The following FLVCR1 variants were observed in gnomAD, a reference collection of about 807,000 sequenced individuals.
FLVCR1 encodes choline/ethanolamine transporter FLVCR1.
Under a neutral mutation model 53.6 loss-of-function variants are expected in FLVCR1, and 34 were observed. The ratio of observed to expected loss-of-function variants is 0.63; its 90% CI spans 0.48 to 0.84. FLVCR1 has a LOEUF of 0.84. Ranked by LOEUF, FLVCR1 falls within the 40% of genes least tolerant of loss-of-function variation. The pLI, the probability that FLVCR1 is intolerant of heterozygous loss-of-function variation, is 0.00. For synonymous variants in FLVCR1, 300 were observed against 286.3 expected, an observed-to-expected ratio of 1.05 and a Z score of -0.48; for missense variants, 677 against 696.7, an observed-to-expected ratio of 0.97 and a Z score of 0.32.
At chr1:212,868,939 A>G (rs1664523511) in intron 2 of FLVCR1, among the ~76,000 whole-genome samples, 1 of 152,234 alleles carries the variant, frequency 6.6e-6, no homozygotes, top group African/African-American at 2.4e-5. Flanking sequence ...GGTGAGAGAC[A>G]GGAGTTTACT....
intron 3 of FLVCR1, among the ~76,000 whole-genome samples, chr1:212,878,191 A>G (rs1195297137): frequency 6.6e-6 from 1 of 152,138 alleles, no homozygotes. Context: ...ATGTTTAGTG[A>G]TCACCCATCT....
intron 8 of FLVCR1, among the ~76,000 whole-genome samples, chr1:212,893,295 T>TAA (rs1470174296): frequency 1.3e-5 from 2 of 152,164 alleles, no homozygotes; most frequent in Admixed American, 1.3e-4. Context: ...GACCTTGTGA[T>TAA]CTGCCTGCCT....
intron 4 of FLVCR1, 97 bp from the exon 5 acceptor site, chr1:212,885,196 A>C: frequency 1.1e-6 from 1 of 877,386 alleles, no homozygotes; most frequent in Non-Finnish European, 1.9e-6. Context: ...AGTTTTATCT[A>C]ATTATTTTCA....
chr1:212,870,745 C>T (rs1664570975), intron 2 of FLVCR1, among the ~76,000 whole-genome samples: 1 of 151,896 alleles, frequency 6.6e-6, no homozygotes, highest in South Asian at 2.1e-4. Flanking sequence ...ATCCATTTAC[C>T]TTCTTTTTTC....
rs1410188826 is a variant in FLVCR1, at chr1:212,896,974, A to C, written c.*1684A>C. On this transcript the variant is annotated 3_prime_UTR_variant, in exon 10 of 10. Transcript: ENST00000366971. ...GTGGATCACAAAGTCAGGAGTTCAA[A>C]ACCAGCCTGGCCAAGATGGTGAAAC... 1 of 151,272 alleles carries C rather than the reference A, an allele frequency of 6.6e-6. No homozygotes were observed. The highest frequency in any genetic ancestry group is 1.9e-4 in the East Asian group (1 of 5,170). 9.4% of individuals were successfully genotyped at this position (151,272 alleles called of 1,614,324 possible).
rs1037878422 is a variant in FLVCR1, at chr1:212,895,608, G to A, written c.*318G>A. The A allele has an allele frequency of 7.9e-5, 28 of 356,048 alleles. No homozygotes were observed. Among genetic ancestry groups the A allele is most frequent in the African/African-American group, 5.7e-4 (27 of 47,634 alleles). 22.1% of individuals were successfully genotyped at this position (356,048 alleles called of 1,614,324 possible). ...TTAAAAGTCGATGTTTTTCTTTTTT[G>A]TAGAAAATGGAAGCTTAGAATACTT... On this transcript the variant is annotated 3_prime_UTR_variant, in exon 10 of 10. Transcript: ENST00000366971.
chr1:212,865,887 C>T (rs1664401627), intron 2 of FLVCR1, among the ~76,000 whole-genome samples: 1 of 77,478 alleles, frequency 1.3e-5, no homozygotes, highest in Non-Finnish European at 3.5e-5. Context: ...GCTATCTGGA[C>T]TCACTGCAAT....
At position 212,894,043 on chromosome 1, in the gene FLVCR1, T is replaced by C. The variant is rs1665271210; in HGVS notation, c.1526-943T>C. ...CACCCGCCTCGGCCTCTCAAAGTGC[T>C]AGGATTACAGGCATGAGCCACTGAG... On this transcript the variant is annotated intron_variant, in intron 8 of 9. Coordinates refer to ENST00000366971, the MANE Select transcript of FLVCR1 (RefSeq NM_014053.4). 3.9e-5 allele frequency among the ~76,000 whole-genome samples: 6 copies of C among 151,986 alleles called. No individual in the cohort carries two copies. The South Asian group carries it at 1.2e-3, about 31-fold the overall frequency.
Position 212,858,371 on chromosome 1 carries a change from A to T in FLVCR1, c.-82A>T. 7.5e-7 allele frequency: 1 copy of T among 1,324,606 alleles called. No homozygotes were observed. The highest frequency in any genetic ancestry group is 9.9e-7 in the Non-Finnish European group (1 of 1,005,478). The allele number at this position is 1,324,606 out of a possible 1,614,324, so 82.1% of individuals were successfully genotyped here. ...GCCGAGGGGTTGGAGGTGGGGCCCC[A>T]GGAGGACCTCGGGCTGTGGGCCGGG... On this transcript the variant is annotated 5_prime_UTR_variant, in exon 1 of 10. Coordinates refer to ENST00000366971, the MANE Select transcript of FLVCR1 (RefSeq NM_014053.4).
chr1:212,872,259 C>T (rs1664621855), intron 2 of FLVCR1, among the ~76,000 whole-genome samples: 1 of 152,146 alleles, frequency 6.6e-6, no homozygotes, highest in African/African-American at 2.4e-5. Flanking sequence ...GGATTACAGG[C>T]ATGAGCCACT....
intron 2 of FLVCR1, among the ~76,000 whole-genome samples, chr1:212,871,573 T>G (rs1019721921): frequency 3.3e-5 from 5 of 152,092 alleles, no homozygotes; most frequent in African/African-American, 1.2e-4. Flanking sequence ...CATGCTGCCA[T>G]GCATAGCTAG....
chr1:212,873,660 G>A (rs748995094), intron 3 of FLVCR1, among the ~76,000 whole-genome samples: 1 of 152,108 alleles, frequency 6.6e-6, no homozygotes, highest in African/African-American at 2.4e-5. Flanking sequence ...GTTTTCTGAC[G>A]GTTCATTCTT....
chr1:212,859,028 C>T lies in FLVCR1; in HGVS notation c.576C>T (p.Cys192=). The T allele has an allele frequency of 6.2e-7, 1 of 1,612,108 alleles. No homozygotes were observed. The highest frequency in any genetic ancestry group is 8.5e-7 in the Non-Finnish European group (1 of 1,178,504). The part of the protein sequence containing the change: ...GLNCLGAWIK[C]GSVQQHLFWV... ...ACTGCCTGGGTGCCTGGATCAAGTGCGGCAGTGTGCAGCAGCATCTCTTCT... is the reference window on the plus strand; with the variant it reads ...ACTGCCTGGGTGCCTGGATCAAGTGTGGCAGTGTGCAGCAGCATCTCTTCT... The change falls in exon 1 of 10, where the codon TGC becomes TGT. Residue 192 remains cysteine (C), a synonymous_variant. Transcript: ENST00000366971.
chr1:212,889,907 G>A (rs1189658056), intron 8 of FLVCR1, among the ~76,000 whole-genome samples: 2 of 152,148 alleles, frequency 1.3e-5, no homozygotes, highest in Non-Finnish European at 2.9e-5. Context: ...GAGTGTTAAA[G>A]CCTGCTTTAT....
chr1:212,885,222 T>C, intron 4 of FLVCR1, 71 bp from the exon 5 acceptor site: 1 of 992,050 alleles, frequency 1.0e-6, no homozygotes, highest in Non-Finnish European at 1.6e-6. Context: ...TATGAAAAGG[T>C]GTGGGAATGT....
At chr1:212,889,805 G>C (rs1665145981) in intron 8 of FLVCR1, among the ~76,000 whole-genome samples, 1 of 150,616 alleles carries the variant, frequency 6.6e-6, no homozygotes, top group South Asian at 2.1e-4. Context: ...GGGAAGACCT[G>C]GCCTCAAATT....
In FLVCR1 at chr1:212,897,001, C is replaced by G. The variant is rs1451065802; in HGVS notation, c.*1711C>G. On this transcript the variant is annotated 3_prime_UTR_variant, in exon 10 of 10. Coordinates refer to ENST00000366971, the MANE Select transcript of FLVCR1 (RefSeq NM_014053.4). Reference sequence around the variant, plus strand: ...CCAGCCTGGCCAAGATGGTGAAACCCCATCTCTACTAAAAATACAAAAATT... The same window carrying G: ...CCAGCCTGGCCAAGATGGTGAAACCGCATCTCTACTAAAAATACAAAAATT... The G allele has an allele frequency of 6.6e-6, 1 of 151,700 alleles. No homozygotes were observed. The highest frequency in any genetic ancestry group is 6.6e-5 in the Admixed American group (1 of 15,216). The allele number at this position is 151,700 out of a possible 1,614,324, so 9.4% of individuals were successfully genotyped here.
chr1:212,866,408 A>T (rs1056793858), intron 2 of FLVCR1, among the ~76,000 whole-genome samples: 2 of 151,686 alleles, frequency 1.3e-5, no homozygotes, highest in African/African-American at 4.8e-5. Flanking sequence ...GGTGTGAGCC[A>T]CTGCACCCGG....
chr1:212,879,331 CATA>C (rs1176307039), intron 3 of FLVCR1, among the ~76,000 whole-genome samples: 2 of 152,144 alleles, frequency 1.3e-5, no homozygotes, highest in African/African-American at 2.4e-5. Context: ...AGTTAGGGAT[CATA>C]ATGTTTGCGT....
Sources: allele counts gnomAD v4.1 joint callset (sites outside exome capture counted in the v4.1 genomes callset), GRCh38; gene constraint gnomAD v4.1.1; transcripts MANE v1.5; gene names NCBI Gene and HGNC (gene_info 2026-07-23, HGNC 2026-07-21).